The following NCKAP1 variants were observed in gnomAD, a reference collection of about 807,000 sequenced individuals.
NCKAP1 encodes the protein NCK associated protein 1.
In NCKAP1, 21 loss-of-function variants were observed where a neutral mutation model predicts 151.2. The observed-to-expected ratio is 0.14, with a 90% CI of 0.10 to 0.20. NCKAP1 has a LOEUF of 0.20. Ranked by LOEUF, NCKAP1 falls within the 10% of genes least tolerant of loss-of-function variation. NCKAP1 has a pLI of 1.00. For synonymous variants in NCKAP1, 484 were observed against 451.8 expected (o/e 1.07, Z -0.90); for missense variants, 933 against 1,352.1 (o/e 0.69, Z 4.86).
chr2:182,936,274 A>G (rs1353100908), intron 24 of NCKAP1, among the ~76,000 whole-genome samples: 1 of 152,138 alleles, frequency 6.6e-6, no homozygotes, highest in East Asian at 1.9e-4. Flanking sequence ...AACTCTGTTA[A>G]CAAAGTAGGA....
chr2:182,972,397 T>G (rs548854249), intron 15 of NCKAP1, among the ~76,000 whole-genome samples: 1 of 152,226 alleles, frequency 6.6e-6, no homozygotes, highest in Non-Finnish European at 1.5e-5. Context: ...CCAGTTAAAA[T>G]GGCTATTATC....
At chr2:182,981,164 G>A in intron 13 of NCKAP1, 80 bp downstream of exon 13, 1 of 1,485,080 alleles carries the variant, frequency 6.7e-7, no homozygotes, top group South Asian at 1.2e-5. Flanking sequence ...TTTCATAAAT[G>A]CTTGTTGAAC....
intron 15 of NCKAP1, among the ~76,000 whole-genome samples, chr2:182,973,394 A>C (rs1277618665): frequency 1.3e-5 from 2 of 152,166 alleles, no homozygotes; most frequent in East Asian, 3.8e-4. Context: ...TTGAAAGAGC[A>C]ACTAAAAATG....
intron 19 of NCKAP1, chr2:182,956,824 CTT>C (rs1559081360): frequency 2.5e-6 from 1 of 398,162 alleles, no homozygotes; most frequent in Non-Finnish European, 4.4e-6. Context: ...AATATACTGA[CTT>C]AATATACAAA....
At position 182,925,580 on chromosome 2, in the gene NCKAP1, C is replaced by T; in HGVS notation, c.*122G>A. The T allele has an allele frequency of 2.0e-6, 1 of 507,560 alleles. No individual in the cohort carries two copies. 31.4% of individuals were successfully genotyped at this position (507,560 alleles called of 1,614,324 possible). ...AGAAACCAATGATCAGAAAATACAA[C>T]CGTATGAAAGAAATTTATAATCCAC... On this transcript the variant is annotated 3_prime_UTR_variant, in exon 31 of 31. Coordinates refer to ENST00000361354, the MANE Select transcript of NCKAP1 (RefSeq NM_013436.5).
At chr2:182,996,107 T>A (rs1698263028) in intron 6 of NCKAP1, among the ~76,000 whole-genome samples, 1 of 152,226 alleles carries the variant, frequency 6.6e-6, no homozygotes, top group African/African-American at 2.4e-5. Flanking sequence ...TTAAAATACG[T>A]GGCAATCTTG....
rs1696442151 is a variant in NCKAP1, at chr2:182,914,795, T to C, written c.*10907A>G. ...CTAGACCGACACTGCAGAGTTCCAT[T>C]GGTAGAGATGCGCTTTGTGTAATGT... On this transcript the variant is annotated 3_prime_UTR_variant, in exon 31 of 31. Transcript: ENST00000361354. The C allele has an allele frequency of 6.6e-6, 1 of 152,208 alleles. No homozygotes were observed. The highest frequency in any genetic ancestry group is 1.5e-5 in the Non-Finnish European group (1 of 68,034). 9.4% of individuals were successfully genotyped at this position (152,208 alleles called of 1,614,324 possible).
At chr2:182,954,584 G>A (rs971977579) in intron 20 of NCKAP1, among the ~76,000 whole-genome samples, 6 of 152,036 alleles carry the variant, frequency 3.9e-5, no homozygotes, top group African/African-American at 1.4e-4. Flanking sequence ...ATATTCACAA[G>A]CTATCTGGCT....
At chr2:182,934,978 CAT>C (rs1383784683) in intron 25 of NCKAP1, 146 bp from the exon 26 acceptor site, 2 of 567,560 alleles carry the variant, frequency 3.5e-6, no homozygotes, top group East Asian at 6.1e-5. Context: ...AATTTCAAGA[CAT>C]ATGAAAATTA....
At chr2:182,995,219 T>G (rs974984714) in intron 7 of NCKAP1, among the ~76,000 whole-genome samples, 1 of 152,204 alleles carries the variant, frequency 6.6e-6, no homozygotes, top group Non-Finnish European at 1.5e-5. Flanking sequence ...AAGATAAAAT[T>G]TTAGTCAAGT....
rs937315508 is a variant in NCKAP1, at chr2:182,912,059, A to C, written c.*13643T>G. On this transcript the variant is annotated 3_prime_UTR_variant, in exon 31 of 31. Transcript: ENST00000361354. ...CCAGCTGAGTAGTTATATCAATCAC[A>C]TCATGAAAAATTCCTTTTACCTAAA... 4 of 152,188 alleles carry C rather than the reference A, an allele frequency of 2.6e-5. No individual in the cohort carries two copies. The highest frequency in any genetic ancestry group is 9.7e-5 in the African/African-American group (4 of 41,446). 9.4% of individuals were successfully genotyped at this position (152,188 alleles called of 1,614,324 possible).
chr2:182,997,379 T>A (rs1698290572), intron 6 of NCKAP1, among the ~76,000 whole-genome samples: 1 of 152,230 alleles, frequency 6.6e-6, no homozygotes, highest in African/African-American at 2.4e-5. Context: ...ATCGTTTTAG[T>A]GCCATAAACT....
chr2:182,956,550 T>C lies in NCKAP1; in HGVS notation c.2065A>G (p.Ile689Val), dbSNP rs771473358. ...ACCACCATGTTTGGTACATAATTTATAGAGAAGCATAACTCAGAAAGTGCA... is the reference window on the plus strand; with the variant it reads ...ACCACCATGTTTGGTACATAATTTACAGAGAAGCATAACTCAGAAAGTGCA... The part of the protein sequence containing the change: ...HTALSELCFS[I>V]NYVPNMVVWE... Residue 689 changes from isoleucine to valine, a missense_variant, in exon 20 of 31, where the codon ATA becomes GTA. Ile to Val is a conservative substitution (Grantham distance 29). Transcript: ENST00000361354. The C allele has an allele frequency of 2.5e-6, 4 of 1,610,418 alleles. No homozygotes were observed. Among genetic ancestry groups the C allele is most frequent in the Middle Eastern group, 1.7e-4 (1 of 6,002 alleles).
At chr2:182,934,212 G>A (rs1054353717) in intron 26 of NCKAP1, among the ~76,000 whole-genome samples, 1 of 151,434 alleles carries the variant, frequency 6.6e-6, no homozygotes, top group South Asian at 2.1e-4. Context: ...GTCTCAGCTC[G>A]CTACACGCTC....
intron 24 of NCKAP1, among the ~76,000 whole-genome samples, chr2:182,937,114 C>CAAAAAA (rs67087110): frequency 2.5e-5 from 2 of 80,810 alleles, no homozygotes; most frequent in African/African-American, 5.4e-5. Context: ...GACTGTCTCA[C>CAAAAAA]AAAAAAAAAA....
intron 10 of NCKAP1, among the ~76,000 whole-genome samples, chr2:182,983,950 G>C (rs1342847541): frequency 6.6e-6 from 1 of 151,656 alleles, no homozygotes; most frequent in East Asian, 1.9e-4. Context: ...AAAATCACTT[G>C]AGCCCAGGAG....
chr2:182,942,133 T>C lies in NCKAP1; in HGVS notation c.2632A>G (p.Thr878Ala), dbSNP rs568278041. Residue 878 changes from threonine (T) to alanine (A), a missense_variant, in exon 24 of 31, where the codon ACA (threonine) becomes GCA (alanine). By Grantham distance (58) the Thr-to-Ala change is moderately conservative. This residue lies in a region of NCKAP1 where 326 missense variants were observed against 557.1 expected (regional missense o/e 0.59). Coordinates refer to ENST00000361354, the MANE Select transcript of NCKAP1 (RefSeq NM_013436.5). Reference protein sequence around the residue: ...KLVVENVDVLTQMRTSFDKPD... With the variant: ...KLVVENVDVLAQMRTSFDKPD... ...TTGTCAAAGCTGGTCCTCATTTGTGTTAACACATCAACATTCTCCACCACA... is the reference window on the plus strand; with the variant it reads ...TTGTCAAAGCTGGTCCTCATTTGTGCTAACACATCAACATTCTCCACCACA... 1 of 1,613,396 alleles carries C rather than the reference T, an allele frequency of 6.2e-7. No individual in the cohort carries two copies. The highest frequency in any genetic ancestry group is 1.3e-5 in the African/African-American group (1 of 74,980).
intron 1 of NCKAP1, among the ~76,000 whole-genome samples, chr2:183,037,665 A>G (rs576868373): frequency 1.3e-5 from 2 of 151,878 alleles, no homozygotes; most frequent in Admixed American, 6.5e-5. Flanking sequence ...TATGGGCCCC[A>G]TCATGGGGGC....
intron 15 of NCKAP1, among the ~76,000 whole-genome samples, chr2:182,976,377 T>C (rs1473665009): frequency 2.6e-5 from 4 of 152,224 alleles, no homozygotes; most frequent in Non-Finnish European, 4.4e-5. Context: ...CTATGGCCTG[T>C]GGGCTACCTG....
Sources: allele counts gnomAD v4.1 joint callset (sites outside exome capture counted in the v4.1 genomes callset), GRCh38; gene constraint gnomAD v4.1.1; regional missense constraint gnomAD v4.1.1; transcripts MANE v1.5; gene names NCBI Gene and HGNC (gene_info 2026-07-23, HGNC 2026-07-21).